PPIL4: variants seen among roughly 807,000 people sequenced by gnomAD.
PPIL4 encodes peptidyl-prolyl cis-trans isomerase-like 4.
Under a neutral mutation model 69.1 loss-of-function variants are expected in PPIL4, and 50 were observed. The ratio of observed to expected loss-of-function variants is 0.72; its 90% CI spans 0.58 to 0.92. PPIL4 has a LOEUF of 0.92. Ranked by LOEUF, PPIL4 falls within the 40% of genes least tolerant of loss-of-function variation. The pLI, the probability that PPIL4 is intolerant of heterozygous loss-of-function variation, is 0.00. For missense variants in PPIL4, 480 were observed against 587.9 expected (o/e 0.82, Z 1.90); for synonymous variants, 193 against 191.6 (o/e 1.01, Z -0.06).
At chr6:149,517,852 C>T (rs1044165542) in intron 10 of PPIL4, 2 of 161,058 alleles carry the variant, frequency 1.2e-5, no homozygotes, top group Non-Finnish European at 2.7e-5. Context: ...AAAGATCTAA[C>T]GAGATAGTGT....
chr6:149,529,865 T>C (rs1165784862), intron 7 of PPIL4, among the ~76,000 whole-genome samples: 1 of 151,442 alleles, frequency 6.6e-6, no homozygotes, highest in East Asian at 1.9e-4. Flanking sequence ...ACCTTAAATG[T>C]ATATTGCTAA....
At chr6:149,506,103 A>C (rs991316178) in intron 12 of PPIL4, among the ~76,000 whole-genome samples, 1 of 152,162 alleles carries the variant, frequency 6.6e-6, no homozygotes, top group African/African-American at 2.4e-5. Flanking sequence ...AAACTACTAA[A>C]ATTCCCATAA....
chr6:149,524,850 G>T (rs1341351493), intron 9 of PPIL4, among the ~76,000 whole-genome samples: 1 of 151,796 alleles, frequency 6.6e-6, no homozygotes. Context: ...GCAGTGAGTC[G>T]AGACTGCGCC....
intron 4 of PPIL4, 46 bp from the exon 5 acceptor site, chr6:149,535,784 C>T: frequency 7.2e-7 from 1 of 1,384,796 alleles, no homozygotes; most frequent in Non-Finnish European, 9.9e-7. Context: ...TAATACATAA[C>T]TCAAACTGAA....
chr6:149,539,309 C>T (rs1777325429), intron 4 of PPIL4, among the ~76,000 whole-genome samples: 2 of 152,128 alleles, frequency 1.3e-5, no homozygotes, highest in Non-Finnish European at 2.9e-5. Context: ...AAATGCTATC[C>T]AACAGCATCG....
At chr6:149,531,170 C>T (rs1777190119) in intron 7 of PPIL4, among the ~76,000 whole-genome samples, 1 of 151,950 alleles carries the variant, frequency 6.6e-6, no homozygotes, top group African/African-American at 2.4e-5. Context: ...TGGAGACCAG[C>T]CTGGGCAACA....
rs748232375 is a variant in PPIL4, at chr6:149,521,191, C to G, written c.871-20G>C. The G allele has an allele frequency of 7.4e-7, 1 of 1,346,852 alleles. No individual in the cohort carries two copies. The highest frequency in any genetic ancestry group is 1.2e-5 in the South Asian group (1 of 81,076). 83.4% of individuals were successfully genotyped at this position (1,346,852 alleles called of 1,614,324 possible). On this transcript the variant is annotated intron_variant, in intron 9 of 12. Coordinates refer to ENST00000253329, the MANE Select transcript of PPIL4 (RefSeq NM_139126.4). Reference sequence around the variant, plus strand: ...TTCTTCCTGATAATAATTATAAAAACTCAAGCATAAATCTTTATGGAAAAG... The same window carrying G: ...TTCTTCCTGATAATAATTATAAAAAGTCAAGCATAAATCTTTATGGAAAAG...
At chr6:149,542,696 T>C (rs1174090512) in intron 1 of PPIL4, among the ~76,000 whole-genome samples, 1 of 152,222 alleles carries the variant, frequency 6.6e-6, no homozygotes, top group Non-Finnish European at 1.5e-5. Flanking sequence ...AAAAGATTGT[T>C]TCTGGCTAGG....
chr6:149,513,438 T>C (rs9373594), intron 11 of PPIL4, among the ~76,000 whole-genome samples: 5,633 of 103,308 alleles, frequency 0.055, 260 homozygotes, highest in East Asian at 0.15. Flanking sequence ...TATATATATA[T>C]ACATATAAAA....
intron 4 of PPIL4, among the ~76,000 whole-genome samples, chr6:149,538,750 G>A (rs1419212547): frequency 6.6e-6 from 1 of 152,198 alleles, no homozygotes; most frequent in East Asian, 1.9e-4. Context: ...AGAATTAGAA[G>A]TAGAGCCTGA....
intron 9 of PPIL4, 97 bp downstream of exon 9, chr6:149,525,046 G>T: frequency 1.7e-6 from 1 of 585,852 alleles, no homozygotes; most frequent in Non-Finnish European, 3.0e-6. Context: ...AAAAGAAAGG[G>T]CAACTCTAGA....
At chr6:149,508,746 C>T (rs1425988283) in intron 12 of PPIL4, among the ~76,000 whole-genome samples, 3 of 152,104 alleles carry the variant, frequency 2.0e-5, no homozygotes, top group Non-Finnish European at 2.9e-5. Context: ...AAACCCAAAC[C>T]TCAACAACAC....
chr6:149,517,508 AT>A, intron 10 of PPIL4, 58 bp from the exon 11 acceptor site: 1 of 755,970 alleles, frequency 1.3e-6, no homozygotes, highest in Non-Finnish European at 2.1e-6. Context: ...ACCAAGAACA[AT>A]AATTATTTTA....
chr6:149,538,221 G>C (rs961266651), intron 4 of PPIL4, among the ~76,000 whole-genome samples: 5 of 151,736 alleles, frequency 3.3e-5, no homozygotes, highest in Non-Finnish European at 1.5e-5. Flanking sequence ...AGGTGAGACT[G>C]CACCACTGTA....
At chr6:149,536,060 T>A (rs1386771964) in intron 4 of PPIL4, among the ~76,000 whole-genome samples, 2 of 152,246 alleles carry the variant, frequency 1.3e-5, no homozygotes, top group African/African-American at 4.8e-5. Context: ...TCTCACAAGA[T>A]TTCAAACTTT....
intron 10 of PPIL4, 155 bp from the exon 11 acceptor site, chr6:149,517,605 T>C: frequency 6.1e-6 from 3 of 492,648 alleles, no homozygotes; most frequent in South Asian, 7.0e-5. Context: ...TCCATCTCCA[T>C]TACTAATTTG....
intron 4 of PPIL4, among the ~76,000 whole-genome samples, chr6:149,540,127 T>C (rs1777338351): frequency 6.6e-6 from 1 of 151,932 alleles, no homozygotes; most frequent in Non-Finnish European, 1.5e-5. Flanking sequence ...AGACTCTGTC[T>C]CTAAATAAAT....
In PPIL4 at chr6:149,535,576, A is replaced by C; in HGVS notation, c.464+20T>G. Reference sequence around the variant, plus strand: ...TATTAAAACATTCTAGTACATTCAGATAGCAAATTGTAACCATACCTGATA... The same window carrying C: ...TATTAAAACATTCTAGTACATTCAGCTAGCAAATTGTAACCATACCTGATA... On this transcript the variant is annotated intron_variant, in intron 5 of 12. Transcript: ENST00000253329. 2 of 1,600,570 alleles carry C rather than the reference A, an allele frequency of 1.2e-6. No individual in the cohort carries two copies. Among genetic ancestry groups the C allele is most frequent in the East Asian group, 2.2e-5 (1 of 44,760 alleles).
intron 7 of PPIL4, among the ~76,000 whole-genome samples, chr6:149,527,177 G>A (rs945635389): frequency 6.6e-6 from 1 of 152,176 alleles, no homozygotes; most frequent in African/African-American, 2.4e-5. Context: ...GGCCAACATG[G>A]TGAAACCCCA....
Sources: gnomAD v4.1 joint callset for allele counts (sites outside exome capture counted in the v4.1 genomes callset) on GRCh38, gnomAD v4.1.1 for gene constraint, MANE v1.5 for transcripts, NCBI Gene and HGNC (gene_info 2026-07-23, HGNC 2026-07-21) for gene names.